Variants in CENPW observed in about 807,000 individuals in gnomAD.
CENPW encodes centromere protein W, also known as cancer-up-regulated gene 2 protein.
CENPW carries 3 observed loss-of-function variants against 11.1 expected under a neutral mutation model. That is an observed-to-expected ratio of 0.27 (90% CI 0.12 to 0.70). The LOEUF is 0.70. Among genes scored for constraint, CENPW ranks in the 30% least tolerant of loss-of-function variants. The pLI is 0.77. For synonymous variants in CENPW, 38 were observed against 42.0 expected, an observed-to-expected ratio of 0.91 and a Z score of 0.37; for missense variants, 100 against 105.6, an observed-to-expected ratio of 0.95 and a Z score of 0.23.
At chr6:126,388,994 G>A in the CENPW span, among the ~76,000 whole-genome samples, 40 of 151,980 alleles carry the variant, frequency 2.6e-4, no homozygotes, top group South Asian at 8.1e-3. Context: ...TGGAGGCAGA[G>A]GATAAGTAGT....
the CENPW span, among the ~76,000 whole-genome samples, chr6:126,371,592 G>C: frequency 6.6e-6 from 1 of 152,092 alleles, no homozygotes; most frequent in Non-Finnish European, 1.5e-5. Context: ...GGTGATACTG[G>C]CTTCATAGAA....
chr6:126,435,762 A>G, the CENPW span, among the ~76,000 whole-genome samples: 1 of 151,898 alleles, frequency 6.6e-6, no homozygotes, highest in Non-Finnish European at 1.5e-5. Context: ...AGGCATCTGA[A>G]AACCTTTGGA....
At chr6:126,404,625 C>T in the CENPW span, among the ~76,000 whole-genome samples, 4 of 152,018 alleles carry the variant, frequency 2.6e-5, no homozygotes, top group African/African-American at 7.2e-5. Context: ...ACATTTCCAC[C>T]AACAGTGTAT....
the CENPW span, among the ~76,000 whole-genome samples, chr6:126,444,129 A>G: frequency 6.7e-6 from 1 of 150,114 alleles, no homozygotes; most frequent in Non-Finnish European, 1.5e-5. Context: ...TTTTTTTTTA[A>G]AAGTTATTTT....
At chr6:126,446,361 C>G in the CENPW span, among the ~76,000 whole-genome samples, 1 of 148,046 alleles carries the variant, frequency 6.8e-6, no homozygotes, top group East Asian at 2.0e-4. Context: ...TCCCTGGCCC[C>G]CCCACAAGAA....
the CENPW span, among the ~76,000 whole-genome samples, chr6:126,403,843 A>G: frequency 6.6e-6 from 1 of 152,128 alleles, no homozygotes; most frequent in Non-Finnish European, 1.5e-5. Context: ...TTCAATGTAG[A>G]TGAAATAGAT....
chr6:126,475,552 A>C, the CENPW span, among the ~76,000 whole-genome samples: 2 of 152,030 alleles, frequency 1.3e-5, no homozygotes, highest in Non-Finnish European at 2.9e-5. Context: ...ACCTAGGTAA[A>C]ATATTTGGTT....
chr6:126,412,376 C>A, the CENPW span, among the ~76,000 whole-genome samples: 3 of 151,514 alleles, frequency 2.0e-5, no homozygotes, highest in South Asian at 6.2e-4. Flanking sequence ...AATATGTTAT[C>A]CCACTGCCTT....
the CENPW span, among the ~76,000 whole-genome samples, chr6:126,432,540 A>C: frequency 6.6e-6 from 1 of 152,142 alleles, no homozygotes; most frequent in Non-Finnish European, 1.5e-5. Flanking sequence ...CTTAAAACTC[A>C]GATATCAGGT....
the CENPW span, among the ~76,000 whole-genome samples, chr6:126,361,615 A>G: frequency 6.6e-5 from 10 of 152,190 alleles, no homozygotes; most frequent in Admixed American, 5.9e-4. Flanking sequence ...TTCTATGTTC[A>G]TAACCATGTT....
chr6:126,388,071 CA>C, the CENPW span, among the ~76,000 whole-genome samples: 1 of 151,744 alleles, frequency 6.6e-6, no homozygotes, highest in Non-Finnish European at 1.5e-5. Flanking sequence ...CAGACCAAGC[CA>C]AAAAGAAAGA....
At chr6:126,340,812 G>C (rs1780291502) in intron 1 of CENPW, among the ~76,000 whole-genome samples, 1 of 152,062 alleles carries the variant, frequency 6.6e-6, no homozygotes, top group South Asian at 2.1e-4. Context: ...TATTGTAAAA[G>C]GCATTGCTCA....
At chr6:126,431,224 G>C in the CENPW span, among the ~76,000 whole-genome samples, 1 of 152,172 alleles carries the variant, frequency 6.6e-6, no homozygotes, top group South Asian at 2.1e-4. Flanking sequence ...TAGTCCATTG[G>C]ATGATTAGAA....
At chr6:126,351,149 AGTGT>A (rs71024750), downstream of CENPW, among the ~76,000 whole-genome samples, 46 of 147,160 alleles carry the variant, frequency 3.1e-4, no homozygotes, top group Middle Eastern at 7.0e-3. Context: ...AGAGAGAGTG[AGTGT>A]GTGTGTGTGT....
At chr6:126,482,082 G>A in the CENPW span, among the ~76,000 whole-genome samples, 1 of 152,008 alleles carries the variant, frequency 6.6e-6, no homozygotes, top group East Asian at 1.9e-4. Flanking sequence ...AAATGCTCTA[G>A]AATTCAGGAA....
the CENPW span, among the ~76,000 whole-genome samples, chr6:126,408,588 A>T: frequency 2.0e-5 from 3 of 152,150 alleles, no homozygotes; most frequent in Non-Finnish European, 4.4e-5. Context: ...CTTACACCTT[A>T]TACAAAAATT....
the CENPW span, among the ~76,000 whole-genome samples, chr6:126,451,517 A>G: frequency 6.6e-6 from 1 of 151,112 alleles, no homozygotes; most frequent in Non-Finnish European, 1.5e-5. Context: ...GAAAGATAAT[A>G]TAAGATTCTT....
chr6:126,461,639 A>G, the CENPW span, among the ~76,000 whole-genome samples: 1 of 151,944 alleles, frequency 6.6e-6, no homozygotes, highest in Admixed American at 6.6e-5. Context: ...AAATAAATGT[A>G]CATAATACGT....
chr6:126,411,973 CT>C, the CENPW span, among the ~76,000 whole-genome samples: 1 of 63,024 alleles, frequency 1.6e-5, no homozygotes, highest in African/African-American at 6.2e-5. Context: ...TCTCTCCTTT[CT>C]CTCCTTCCTT....
Sources: allele counts gnomAD v4.1 joint callset (sites outside exome capture counted in the v4.1 genomes callset), GRCh38; gene constraint gnomAD v4.1.1; transcripts MANE v1.5; gene names NCBI Gene and HGNC (gene_info 2026-07-23, HGNC 2026-07-21).